LARS1: variants seen among roughly 807,000 people sequenced by gnomAD.
LARS1 encodes the protein leucyl-tRNA synthetase 1.
A neutral mutation model predicts 162.8 loss-of-function variants in LARS1; 100 were observed. The ratio of observed to expected loss-of-function variants is 0.61; its 90% CI spans 0.52 to 0.73. The LOEUF (loss-of-function observed/expected upper bound fraction) is 0.73. Among genes scored for constraint, LARS1 ranks in the 30% least tolerant of loss-of-function variants. LARS1 has a pLI of 0.00. For synonymous variants in LARS1, 457 were observed against 462.8 expected (o/e 0.99, Z 0.16); for missense variants, 1,258 against 1,408.9 (o/e 0.89, Z 1.71).
chr5:146,131,693 G>A (rs1247678929), intron 23 of LARS1: 1 of 150,278 alleles, frequency 6.7e-6, no homozygotes, highest in Admixed American at 6.7e-5. Flanking sequence ...ATCTCACTTT[G>A]TTGCCCTGGC....
rs773346160 is a variant in LARS1, at chr5:146,128,692, C to A, written c.2860G>T (p.Val954Phe). 4 of 1,583,840 alleles carry A rather than the reference C, an allele frequency of 2.5e-6. No individual in the cohort carries two copies. The South Asian group carries it at 4.7e-5, about 19-fold the overall frequency. ...ATCACCTCAAAGTGTTTACGTAGAA[C>A]AGACAGGGTGGTATGTTGCCAAGGT... The part of the protein sequence containing the change: ...YPPWQHTTLS[V>F]LRKHFEANNG... Residue 954 changes from valine (V) to phenylalanine (F), a missense_variant, in exon 27 of 32, where the codon GTT (valine) becomes TTT (phenylalanine). Val to Phe is a conservative substitution (Grantham distance 50). Transcript: ENST00000394434.
intron 15 of LARS1, 143 bp downstream of exon 15, chr5:146,149,479 A>T: frequency 1.5e-6 from 1 of 675,960 alleles, no homozygotes; most frequent in Non-Finnish European, 2.6e-6. Flanking sequence ...ATGAATTGCT[A>T]AATAGGTCTA....
intron 31 of LARS1, among the ~76,000 whole-genome samples, chr5:146,119,597 A>G (rs1008606113): frequency 6.6e-6 from 1 of 152,214 alleles, no homozygotes. Flanking sequence ...AAGAAAAATA[A>G]GAGAGACACA....
chr5:146,179,439 G>T (rs1472676792), intron 1 of LARS1, among the ~76,000 whole-genome samples: 1 of 152,116 alleles, frequency 6.6e-6, no homozygotes, highest in Non-Finnish European at 1.5e-5. Context: ...TGTGATTACA[G>T]GCATGAGCCA....
At chr5:146,153,399 CTTCAAAAAT>C (rs1581055518) in intron 12 of LARS1, among the ~76,000 whole-genome samples, 172 bp from the exon 13 acceptor site, 1 of 152,124 alleles carries the variant, frequency 6.6e-6, no homozygotes. Flanking sequence ...GATCTGTAAC[CTTCAAAAAT>C]TTAATAGCTA....
chr5:146,142,826 C>T, intron 20 of LARS1, 46 bp downstream of exon 20: 1 of 1,417,544 alleles, frequency 7.1e-7, no homozygotes, highest in Non-Finnish European at 9.9e-7. Context: ...CAAGACACCC[C>T]TATTGACAAT....
chr5:146,115,894 T>C (rs1195427288), intron 31 of LARS1, among the ~76,000 whole-genome samples: 2 of 152,194 alleles, frequency 1.3e-5, no homozygotes, highest in African/African-American at 4.8e-5. Flanking sequence ...CTCCCTCATG[T>C]TGACTTGAGA....
rs1752221650 is a variant in LARS1, at chr5:146,130,210, A to G, written c.2488-52T>C. ...TTCCCTCACCTTCTTTAAAATAAAA[A>G]TAAAGGGAAAAATTGCAGTATCTTG... On this transcript the variant is annotated intron_variant, in intron 24 of 31. Transcript: ENST00000394434. The G allele has an allele frequency of 2.6e-6, 4 of 1,562,528 alleles. No individual in the cohort carries two copies. The African/African-American group carries it at 5.5e-5, about 21-fold the overall frequency.
In LARS1 at chr5:146,168,190, C is replaced by T. The variant is rs1035933644; in HGVS notation, c.370G>A (p.Glu124Lys). The change falls in exon 5 of 32, where the codon GAG (glutamate) becomes AAG (lysine). Residue 124 changes from glutamate to lysine, a missense_variant. By Grantham distance (56) the Glu-to-Lys change is moderately conservative. Transcript: ENST00000394434. ...PPDFPDEEEE[E>K]EETSVKTEDI... is the part of the protein sequence containing the mutation. ...TCTGTTTTAACACTGGTTTCTTCCT[C>T]TTCCTCTTCTTCATCTGGAAAATCA... 5.0e-6 allele frequency: 8 copies of T among 1,612,720 alleles called. No homozygotes were observed. In the African/African-American group the frequency reaches 8.0e-5, roughly 16 times the overall value.
intron 6 of LARS1, among the ~76,000 whole-genome samples, chr5:146,163,407 C>T (rs944611371): frequency 1.3e-5 from 2 of 152,122 alleles, no homozygotes; most frequent in African/African-American, 4.8e-5. Flanking sequence ...TTCTTTGGGC[C>T]AGGTTCAGTG....
At chr5:146,133,947 C>A (rs1445264679) in intron 22 of LARS1, among the ~76,000 whole-genome samples, 1 of 152,154 alleles carries the variant, frequency 6.6e-6, no homozygotes, top group Non-Finnish European at 1.5e-5. Context: ...TGGATTCAAG[C>A]AATTCTACTG....
chr5:146,122,515 G>A lies in LARS1; in HGVS notation c.3169C>T (p.Pro1057Ser). 2 of 1,603,618 alleles carry A rather than the reference G, an allele frequency of 1.2e-6. No individual in the cohort carries two copies. Among genetic ancestry groups the A allele is most frequent in the Non-Finnish European group, 1.7e-6 (2 of 1,172,078 alleles). ...ACTTCTATTCTAAAAACATTAAGTG[G>A]TTTCCCAGGACAGCAGTCTTCCCTG... ...KIREDCCPGK[P>S]LNVFRIEPGV... The change falls in exon 30 of 32, where the codon CCA becomes TCA. Residue 1057 changes from proline to serine, a missense_variant. Physicochemically the swap from Pro to Ser is moderately conservative, Grantham distance 74. Coordinates refer to ENST00000394434, the MANE Select transcript of LARS1 (RefSeq NM_020117.11).
At chr5:146,170,222 T>C (rs931907232) in intron 4 of LARS1, among the ~76,000 whole-genome samples, 5 of 152,166 alleles carry the variant, frequency 3.3e-5, no homozygotes, top group Non-Finnish European at 7.3e-5. Context: ...ATCTCAGCAC[T>C]GTGGGAAGCC....
chr5:146,152,993 G>A (rs1004258768), intron 13 of LARS1, among the ~76,000 whole-genome samples, 181 bp downstream of exon 13: 1 of 152,174 alleles, frequency 6.6e-6, no homozygotes, highest in African/African-American at 2.4e-5. Context: ...GAAAATGCTT[G>A]TTAGTTTTCC....
chr5:146,164,191 G>C (rs1581072019), intron 6 of LARS1, 119 bp downstream of exon 6: 1 of 973,164 alleles, frequency 1.0e-6, no homozygotes, highest in East Asian at 2.4e-5. Flanking sequence ...CTCAACGCAG[G>C]GTTGCCACAA....
In LARS1 at chr5:146,127,079, C is replaced by A. The variant is rs549221766; in HGVS notation, c.2881-534G>T. On this transcript the variant is annotated intron_variant, in intron 27 of 31. Transcript: ENST00000394434. ...AGTGTGCTTTAAATGAATCTAAATT[C>A]ATTTCTTTCTACAAATATTAACGGT... Among the ~76,000 whole-genome samples the A allele has an allele frequency of 4.6e-5, 7 of 152,118 alleles. No individual in the cohort carries two copies. In the East Asian group the frequency reaches 1.4e-3, roughly 29 times the overall value.
Position 146,151,849 on chromosome 5 carries a change from A to C in LARS1, c.1425+13T>G, listed in dbSNP as rs1423096174. On this transcript the variant is annotated intron_variant, in intron 14 of 31. Coordinates refer to ENST00000394434, the MANE Select transcript of LARS1 (RefSeq NM_020117.11). ...AGTAAAGCAAATAAAAACTAAAAAA[A>C]ATTATTACTTACACCCTCATAAAAT... 1.2e-6 allele frequency: 2 copies of C among 1,605,420 alleles called. No homozygotes were observed. The highest frequency in any genetic ancestry group is 1.7e-6 in the Non-Finnish European group (2 of 1,176,166).
intron 15 of LARS1, among the ~76,000 whole-genome samples, chr5:146,145,652 T>C (rs998606562): frequency 2.6e-5 from 4 of 152,246 alleles, no homozygotes; most frequent in Admixed American, 6.5e-5. Flanking sequence ...CTAAACATTT[T>C]AGGCTAGGAT....
In LARS1 at chr5:146,164,322, T is replaced by C. The variant is rs1753906341; in HGVS notation, c.582A>G (p.Arg194=). The C allele has an allele frequency of 6.2e-7, 1 of 1,613,960 alleles. No individual in the cohort carries two copies. The highest frequency in any genetic ancestry group is 1.3e-5 in the African/African-American group (1 of 75,032). Residue 194 remains arginine (R), a synonymous_variant, in exon 6 of 32, where the codon AGA becomes AGG. Coordinates refer to ENST00000394434, the MANE Select transcript of LARS1 (RefSeq NM_020117.11). ...TTTATAGACATACCTTCAAACCCATTCTTTTTAAATCCTGAATAGCCAGTG... is the reference window on the plus strand; with the variant it reads ...TTTATAGACATACCTTCAAACCCATCCTTTTTAAATCCTGAATAGCCAGTG... ...FPPLAIQDLK[R]MGLKVDWRRS... is the part of the protein sequence containing the mutation.
Sources: gnomAD v4.1 joint callset for allele counts (sites outside exome capture counted in the v4.1 genomes callset) on GRCh38, gnomAD v4.1.1 for gene constraint, MANE v1.5 for transcripts, NCBI Gene and HGNC (gene_info 2026-07-23, HGNC 2026-07-21) for gene names.